The following DUSP22 variants were observed in gnomAD, a reference collection of about 807,000 sequenced individuals.
DUSP22 encodes dual specificity protein phosphatase 22.
DUSP22 carries 24 observed loss-of-function variants against 24.5 expected under a neutral mutation model. That is an observed-to-expected ratio of 0.98 (90% CI 0.71 to 1.38). The LOEUF is 1.38. Among genes scored for constraint, DUSP22 ranks in the 40% most tolerant of loss-of-function variants. The pLI is 0.00. For synonymous variants in DUSP22, 160 were observed against 106.4 expected, an observed-to-expected ratio of 1.50 and a Z score of -3.10; for missense variants, 330 against 269.2, an observed-to-expected ratio of 1.23 and a Z score of -1.58.
chr6:292,530 T>G lies in DUSP22; in HGVS notation c.-10T>G, dbSNP rs1231962536. 6.2e-7 allele frequency: 1 copy of G among 1,605,358 alleles called. No individual in the cohort carries two copies. The highest frequency in any genetic ancestry group is 8.5e-7 in the Non-Finnish European group (1 of 1,175,992). On this transcript the variant is annotated 5_prime_UTR_variant, in exon 1 of 7. Coordinates refer to ENST00000419235, the MANE Select transcript of DUSP22 (RefSeq NM_001286555.3). ...CACGGCCGGGGCGCTAGCGTTCGCC[T>G]TCAGCCACCATGGGGAATGGGATGA...
chr6:292,647 C>T, intron 1 of DUSP22, 87 bp downstream of exon 1: 4 of 1,509,930 alleles, frequency 2.6e-6, no homozygotes, highest in South Asian at 2.4e-5. Context: ...CGACTCGAGC[C>T]CGGGGTGCCC....
At chr6:300,691 G>A (rs536118926) in intron 1 of DUSP22, among the ~76,000 whole-genome samples, 29 of 152,306 alleles carry the variant, frequency 1.9e-4, no homozygotes, top group African/African-American at 6.7e-4. Flanking sequence ...CGGTACTAGA[G>A]GCAGGGCAGG....
At chr6:300,892 G>T (rs2066407) in intron 1 of DUSP22, among the ~76,000 whole-genome samples, 2,087 of 151,776 alleles carry the variant, frequency 0.014, 3 homozygotes, top group Non-Finnish European at 0.021. Context: ...AACCTTGGCA[G>T]GAGCAGATGC....
chr6:306,505 A>C (rs1422149586), intron 2 of DUSP22, among the ~76,000 whole-genome samples: 1 of 152,302 alleles, frequency 6.6e-6, no homozygotes, highest in Non-Finnish European at 1.5e-5. Context: ...TAAACAGCCC[A>C]CCACCTCTCC....
intron 3 of DUSP22, among the ~76,000 whole-genome samples, chr6:314,068 T>C (rs1758227162): frequency 6.6e-6 from 1 of 152,304 alleles, no homozygotes; most frequent in Non-Finnish European, 1.5e-5. Context: ...ACGGGTTTGG[T>C]GCTTCAGCAG....
intron 3 of DUSP22, among the ~76,000 whole-genome samples, 189 bp from the exon 4 acceptor site, chr6:334,925 G>A (rs915064476): frequency 3.3e-5 from 5 of 152,420 alleles, no homozygotes; most frequent in Middle Eastern, 3.4e-3. Flanking sequence ...TTATTTGTAC[G>A]CATGGTCACG....
intron 1 of DUSP22, among the ~76,000 whole-genome samples, chr6:292,810 GGCTGAAACAAGCCGCGCCCTTTGAAA>G (rs1757152367): frequency 6.6e-6 from 1 of 152,242 alleles, no homozygotes; most frequent in Non-Finnish European, 1.5e-5. Flanking sequence ...GCGTTTTCGT[GGCTGAAACAAGCCGCGCCCTTTGAAA>G]GCGTTGACAC....
chr6:328,243 G>A (rs141910028), intron 3 of DUSP22, among the ~76,000 whole-genome samples: 19 of 152,418 alleles, frequency 1.2e-4, no homozygotes, highest in African/African-American at 4.1e-4. Context: ...TCACAATTGT[G>A]TACATCAGCA....
At chr6:319,754 G>A (rs1758508725) in intron 3 of DUSP22, among the ~76,000 whole-genome samples, 1 of 152,300 alleles carries the variant, frequency 6.6e-6, no homozygotes, top group Non-Finnish European at 1.5e-5. Context: ...ATTGACAGTT[G>A]TTTCCAGCAC....
intron 3 of DUSP22, 130 bp downstream of exon 3, chr6:312,092 A>G (rs1029470779): frequency 8.8e-5 from 91 of 1,030,500 alleles, no homozygotes; most frequent in Middle Eastern, 4.3e-4. Flanking sequence ...CGGCATTCCC[A>G]TTGTGTTCAG....
At chr6:319,301 G>A (rs1450545987) in intron 3 of DUSP22, among the ~76,000 whole-genome samples, 2 of 152,308 alleles carry the variant, frequency 1.3e-5, no homozygotes, top group African/African-American at 4.8e-5. Flanking sequence ...GGCCTGGCTG[G>A]AAGGTGATCT....
At chr6:311,744 A>G (rs1216068795) in intron 2 of DUSP22, 136 bp from the exon 3 acceptor site, 27 of 917,168 alleles carry the variant, frequency 2.9e-5, no homozygotes, top group Non-Finnish European at 4.1e-5. Flanking sequence ...AGTTTCCTAC[A>G]TGTATGGTCA....
In DUSP22 at chr6:348,268, C is replaced by CCAT. The variant is rs748470586; in HGVS notation, c.432_434dup (p.His144dup). 1.2e-6 allele frequency: 2 copies of CCAT among 1,614,284 alleles called. No individual in the cohort carries two copies. Among genetic ancestry groups the CCAT allele is most frequent in the Admixed American group, 3.3e-5 (2 of 60,036 alleles). ...TCCAGGAGTTTGAGAAGCATGAGGT[C>CCAT]CATCAGGTAAGCAGTTCTTAGGGGA... On this transcript the variant is annotated inframe_insertion, in exon 6 of 7. Coordinates refer to ENST00000419235, the MANE Select transcript of DUSP22 (RefSeq NM_001286555.3).
chr6:304,587 A>G, intron 1 of DUSP22, 41 bp from the exon 2 acceptor site: 1 of 1,614,138 alleles, frequency 6.2e-7, no homozygotes, highest in South Asian at 1.1e-5. Context: ...CCATCCACTT[A>G]GAGTCTGCCA....
chr6:294,885 G>C (rs1757254907), intron 1 of DUSP22, among the ~76,000 whole-genome samples: 1 of 152,290 alleles, frequency 6.6e-6, no homozygotes, highest in Admixed American at 6.5e-5. Flanking sequence ...TGGGATGAAA[G>C]TGACCTAGAA....
At chr6:317,258 G>T (rs11961688) in intron 3 of DUSP22, among the ~76,000 whole-genome samples, 974 of 151,880 alleles carry the variant, frequency 6.4e-3, no homozygotes, top group African/African-American at 0.023. Flanking sequence ...GTGCCCAGCG[G>T]CCACGTGGGC....
rs1759845131 is a variant in DUSP22 at position 345,902 on chromosome 6, C to G, written c.237C>G (p.Leu79=). 1.2e-6 allele frequency: 2 copies of G among 1,614,172 alleles called. No homozygotes were observed. Among genetic ancestry groups the G allele is most frequent in the Non-Finnish European group, 1.7e-6 (2 of 1,180,046 alleles). The part of the protein sequence containing the change: ...ESIKFIHECR[L]RGESCLVHCL... ...TTAAATTCATTCACGAGTGCCGGCT[C>G]CGCGGTGAGAGCTGCCTTGTACACT... The change falls in exon 5 of 7, where the codon CTC becomes CTG. Residue 79 remains leucine (L), a synonymous_variant. Transcript: ENST00000419235.
intron 3 of DUSP22, among the ~76,000 whole-genome samples, chr6:328,207 G>C (rs1304405331): frequency 6.6e-6 from 1 of 152,306 alleles, no homozygotes; most frequent in Non-Finnish European, 1.5e-5. Flanking sequence ...CCAAGTGACT[G>C]CTGAAACTGG....
At chr6:323,476 T>G (rs1274163859) in intron 3 of DUSP22, among the ~76,000 whole-genome samples, 1 of 152,310 alleles carries the variant, frequency 6.6e-6, no homozygotes, top group African/African-American at 2.4e-5. Flanking sequence ...ATCTGAAATC[T>G]GAGTTAGAGC....
Sources: gnomAD v4.1 joint callset for allele counts (sites outside exome capture counted in the v4.1 genomes callset) on GRCh38, gnomAD v4.1.1 for gene constraint, MANE v1.5 for transcripts, NCBI Gene and HGNC (gene_info 2026-07-23, HGNC 2026-07-21) for gene names.